Variants in ITFG1 observed in about 807,000 individuals in gnomAD.
ITFG1 encodes integrin alpha FG-GAP repeat containing 1, also known as T-cell immunomodulatory protein.
Under a neutral mutation model 81.8 loss-of-function variants are expected in ITFG1, and 34 were observed. That is an observed-to-expected ratio of 0.42 (90% CI 0.32 to 0.55). ITFG1 has a LOEUF of 0.55. Ranked by LOEUF, ITFG1 falls within the 20% of genes least tolerant of loss-of-function variation. ITFG1 has a pLI of 0.17. For synonymous variants in ITFG1, 285 were observed against 270.6 expected, an observed-to-expected ratio of 1.05 and a Z score of -0.52; for missense variants, 672 against 755.4, an observed-to-expected ratio of 0.89 and a Z score of 1.29.
At chr16:47,202,576 C>T (rs569888448) in intron 14 of ITFG1, 1 of 149,970 alleles carries the variant, frequency 6.7e-6, no homozygotes, top group Admixed American at 6.6e-5. Flanking sequence ...GGCTGCTGTG[C>T]AGGTGTAACT....
rs115915689 is a variant in ITFG1 at position 47,195,598 on chromosome 16, T to C, written c.1453+23270A>G. ...CCTTCCTTATGTAGATACAAGTTTC[T>C]GACTTATCATATTCCTTCTCCTTGA... is the stretch of plus-strand genomic sequence containing the variant. On this transcript the variant is annotated intron_variant, in intron 14 of 17. Coordinates refer to ENST00000320640, the MANE Select transcript of ITFG1 (RefSeq NM_030790.5). Among the ~76,000 whole-genome samples, 510 of 152,372 alleles carry C rather than the reference T, an allele frequency of 3.3e-3. 2 individuals carry two copies. The highest frequency in any genetic ancestry group is 0.012 in the African/African-American group (484 of 41,598).
At chr16:47,416,230 T>A (rs975363397) in intron 6 of ITFG1, among the ~76,000 whole-genome samples, 1 of 151,558 alleles carries the variant, frequency 6.6e-6, no homozygotes, top group African/African-American at 2.4e-5. Flanking sequence ...AAATAAAAAT[T>A]TAAAAAACCA....
chr16:47,236,452 G>C (rs899441133), intron 13 of ITFG1, among the ~76,000 whole-genome samples: 1 of 148,862 alleles, frequency 6.7e-6, no homozygotes, highest in Non-Finnish European at 1.5e-5. Context: ...TGCAGCCTGG[G>C]GGACAGAGTG....
At chr16:47,341,773 C>A (rs1967788180) in intron 8 of ITFG1, among the ~76,000 whole-genome samples, 1 of 151,996 alleles carries the variant, frequency 6.6e-6, no homozygotes, top group South Asian at 2.1e-4. Flanking sequence ...AAATAAAATG[C>A]ATTATAAAAA....
chr16:47,258,058 C>A (rs1966160020), intron 12 of ITFG1, among the ~76,000 whole-genome samples: 1 of 152,040 alleles, frequency 6.6e-6, no homozygotes. Flanking sequence ...CAGAATATTG[C>A]CCCCCAAAAC....
At chr16:47,280,574 T>C (rs950226183) in intron 10 of ITFG1, among the ~76,000 whole-genome samples, 4 of 152,142 alleles carry the variant, frequency 2.6e-5, no homozygotes, top group Admixed American at 2.6e-4. Flanking sequence ...TCCTGAGCAA[T>C]AGGAGCATCT....
At chr16:47,406,063 TCA>T (rs1968724643) in intron 6 of ITFG1, among the ~76,000 whole-genome samples, 1 of 152,222 alleles carries the variant, frequency 6.6e-6, no homozygotes, top group African/African-American at 2.4e-5. Flanking sequence ...CCCTTCCTTA[TCA>T]GAGAACATAA....
At position 47,458,801 on chromosome 16, in the gene ITFG1, A is replaced by T. The variant is rs370124059; in HGVS notation, c.281+302T>A. ...GACTACTGTGAGTGACTGCTGCCTC[A>T]AGATGAGGCACAGAACGAGACACAT... On this transcript the variant is annotated intron_variant, in intron 2 of 17. Coordinates refer to ENST00000320640, the MANE Select transcript of ITFG1 (RefSeq NM_030790.5). 5.9e-5 allele frequency among the ~76,000 whole-genome samples: 9 copies of T among 152,224 alleles called. No homozygotes were observed. The East Asian group carries it at 9.7e-4, about 16-fold the overall frequency.
intron 5 of ITFG1, among the ~76,000 whole-genome samples, chr16:47,442,995 C>G (rs1416287336): frequency 1.3e-5 from 2 of 152,056 alleles, no homozygotes; most frequent in Non-Finnish European, 2.9e-5. Context: ...TTTTTGCAAC[C>G]TACTCATGTG....
chr16:47,222,410 T>C lies in ITFG1; in HGVS notation c.1375-3464A>G, dbSNP rs542856549. ...AGTTGAGTGGTTTTGAGTGAGTTTC[T>C]TTCTTTTTTTTTTTTTTTTTTGAGA... On this transcript the variant is annotated intron_variant, in intron 13 of 17. Coordinates refer to ENST00000320640, the MANE Select transcript of ITFG1 (RefSeq NM_030790.5). Among the ~76,000 whole-genome samples, 393 of 148,520 alleles carry C rather than the reference T, an allele frequency of 2.6e-3. 5 individuals are homozygous for C. Among genetic ancestry groups the C allele is most frequent in the African/African-American group, 9.8e-3 (381 of 38,960 alleles).
chr16:47,444,445 G>A (rs915281867), intron 5 of ITFG1, among the ~76,000 whole-genome samples: 2 of 152,056 alleles, frequency 1.3e-5, no homozygotes, highest in African/African-American at 4.8e-5. Flanking sequence ...ATAACACTAT[G>A]CCTTTCTCAT....
intron 5 of ITFG1, among the ~76,000 whole-genome samples, chr16:47,430,189 C>T (rs965152232): frequency 2.6e-5 from 4 of 151,144 alleles, no homozygotes; most frequent in African/African-American, 9.7e-5. Context: ...ACCCAAGTAG[C>T]TAGGATTATA....
At chr16:47,318,588 A>G (rs1967401658) in intron 8 of ITFG1, among the ~76,000 whole-genome samples, 2 of 152,086 alleles carry the variant, frequency 1.3e-5, no homozygotes, top group African/African-American at 4.8e-5. Context: ...ACTTTTAAAT[A>G]CTCTGAAAAA....
chr16:47,257,591 C>T (rs188193339), intron 12 of ITFG1, among the ~76,000 whole-genome samples: 11 of 152,244 alleles, frequency 7.2e-5, no homozygotes, highest in Admixed American at 2.0e-4. Context: ...TTAGAAGGAA[C>T]CCTGAAGTGC....
At chr16:47,236,871 T>TG (rs1965881816) in intron 13 of ITFG1, among the ~76,000 whole-genome samples, 1 of 152,242 alleles carries the variant, frequency 6.6e-6, no homozygotes, top group Non-Finnish European at 1.5e-5. Flanking sequence ...TGGCCTGTGT[T>TG]GGCTGCTAAC....
intron 8 of ITFG1, among the ~76,000 whole-genome samples, chr16:47,348,636 A>T (rs967029455): frequency 6.6e-6 from 1 of 152,196 alleles, no homozygotes; most frequent in Non-Finnish European, 1.5e-5. Flanking sequence ...AAAACACTCT[A>T]CAGGATATTA....
At chr16:47,304,076 A>C (rs778428820) in intron 10 of ITFG1, among the ~76,000 whole-genome samples, 1 of 152,236 alleles carries the variant, frequency 6.6e-6, no homozygotes, top group Non-Finnish European at 1.5e-5. Context: ...TGAAACATAA[A>C]TAAACAACCC....
intron 6 of ITFG1, among the ~76,000 whole-genome samples, chr16:47,409,383 TA>T (rs1968772020): frequency 7.4e-5 from 1 of 13,588 alleles, no homozygotes; most frequent in Non-Finnish European, 1.5e-4. Context: ...ACTATATATA[TA>T]TATATATATA....
At chr16:47,311,544 G>T in intron 9 of ITFG1, 132 bp from the exon 10 acceptor site, 1 of 563,096 alleles carries the variant, frequency 1.8e-6, no homozygotes, top group Non-Finnish European at 2.9e-6. Context: ...CTACAATATG[G>T]TAGGGGATCA....
Sources: allele counts gnomAD v4.1 joint callset (sites outside exome capture counted in the v4.1 genomes callset), GRCh38; gene constraint gnomAD v4.1.1; transcripts MANE v1.5; gene names NCBI Gene and HGNC (gene_info 2026-07-23, HGNC 2026-07-21).